Variants in THSD7B observed in about 807,000 individuals in gnomAD.
THSD7B encodes thrombospondin type 1 domain containing 7B.
THSD7B carries 138 observed loss-of-function variants against 213.6 expected under a neutral mutation model. The ratio of observed to expected loss-of-function variants is 0.65; its 90% CI spans 0.56 to 0.74. The LOEUF (loss-of-function observed/expected upper bound fraction) is 0.74. THSD7B is among the 30% of genes least tolerant of loss of function. The probability of loss-of-function intolerance (pLI) is 0.00; values close to 1 mark genes in which losing one functional copy is unlikely to be tolerated. For missense variants in THSD7B, 1,931 were observed against 1,991.5 expected, an observed-to-expected ratio of 0.97 and a Z score of 0.58; for synonymous variants, 742 against 687.0, an observed-to-expected ratio of 1.08 and a Z score of -1.25.
At chr2:137,021,984 ATTG>A (rs992214574) in intron 2 of THSD7B, among the ~76,000 whole-genome samples, 1 of 152,094 alleles carries the variant, frequency 6.6e-6, no homozygotes, top group Non-Finnish European at 1.5e-5. Context: ...TTGCATTTGA[ATTG>A]TTAAGATTTC....
At chr2:136,888,384 A>G (rs1683755688) in intron 2 of THSD7B, among the ~76,000 whole-genome samples, 1 of 152,134 alleles carries the variant, frequency 6.6e-6, no homozygotes, top group East Asian at 1.9e-4. Context: ...TAGCTTAAAT[A>G]ATAGTGTTTT....
intron 12 of THSD7B, among the ~76,000 whole-genome samples, chr2:137,382,371 G>A (rs945911932): frequency 6.6e-6 from 1 of 152,220 alleles, no homozygotes; most frequent in East Asian, 1.9e-4. Flanking sequence ...GTAGGCAGAA[G>A]CCCTATGGGT....
chr2:137,651,664 C>A (rs554546058), intron 21 of THSD7B, among the ~76,000 whole-genome samples: 1 of 152,064 alleles, frequency 6.6e-6, no homozygotes, highest in African/African-American at 2.4e-5. Context: ...TATTTGAATT[C>A]TTTCTACTTT....
intron 7 of THSD7B, among the ~76,000 whole-genome samples, chr2:137,183,003 A>G (rs1238444742): frequency 6.6e-6 from 1 of 152,142 alleles, no homozygotes; most frequent in Non-Finnish European, 1.5e-5. Context: ...TATTATAATT[A>G]TCTTTCATTT....
At chr2:136,942,701 A>G (rs1227078606) in intron 2 of THSD7B, among the ~76,000 whole-genome samples, 6 of 152,152 alleles carry the variant, frequency 3.9e-5, no homozygotes, top group Admixed American at 2.0e-4. Flanking sequence ...CATTGATTTT[A>G]TATCCTGAGA....
chr2:136,805,622 A>G lies in THSD7B; in HGVS notation c.-36+39935A>G, dbSNP rs143335414. ...TCTCATTTATCCCGCTGTGAGCTCC[A>G]GGAAGCAGAACCGTATTGGCTGCAT... On this transcript the variant is annotated intron_variant, in intron 1 of 27. Transcript: ENST00000409968. 6.1e-3 allele frequency among the ~76,000 whole-genome samples: 926 copies of G among 152,056 alleles called. 14 individuals carry two copies. The highest frequency in any genetic ancestry group is 0.021 in the African/African-American group (868 of 41,510).
chr2:136,831,284 G>C (rs1397157770), intron 1 of THSD7B, among the ~76,000 whole-genome samples: 1 of 151,964 alleles, frequency 6.6e-6, no homozygotes, highest in Non-Finnish European at 1.5e-5. Flanking sequence ...TACATATTTA[G>C]TACTTAATAT....
intron 13 of THSD7B, among the ~76,000 whole-genome samples, chr2:137,410,922 G>T (rs549086737): frequency 6.6e-6 from 1 of 152,208 alleles, no homozygotes; most frequent in African/African-American, 2.4e-5. Context: ...TGATTACCAA[G>T]TGTTTACAGC....
chr2:137,287,950 C>G (rs1683224014), intron 12 of THSD7B, among the ~76,000 whole-genome samples: 1 of 152,074 alleles, frequency 6.6e-6, no homozygotes, highest in Non-Finnish European at 1.5e-5. Context: ...GATTATATGT[C>G]TCTTGTTCAT....
rs1332709596 is a variant in THSD7B at position 136,810,380 on chromosome 2, A to C, written c.-36+44693A>C. On this transcript the variant is annotated intron_variant, in intron 1 of 27. Transcript: ENST00000409968. The stretch of plus-strand genomic sequence containing the variant: ...ACTTCCTTTAAAATGTCTCTATACG[A>C]CTATAAAAGTGGTCACTAAGTGTAA... Among the ~76,000 whole-genome samples the C allele has an allele frequency of 4.6e-5, 7 of 152,340 alleles. No individual in the cohort carries two copies. In the South Asian group the frequency reaches 1.2e-3, roughly 27 times the overall value.
chr2:137,106,256 T>A (rs2104930038), intron 4 of THSD7B, among the ~76,000 whole-genome samples: 1 of 152,136 alleles, frequency 6.6e-6, no homozygotes, highest in East Asian at 1.9e-4. Context: ...TCTACAATCA[T>A]CTGATCTTTG....
At chr2:137,118,078 C>T (rs1688477095) in intron 5 of THSD7B, among the ~76,000 whole-genome samples, 1 of 152,062 alleles carries the variant, frequency 6.6e-6, no homozygotes, top group African/African-American at 2.4e-5. Context: ...TATGTATTAC[C>T]AGTAATATTA....
intron 2 of THSD7B, among the ~76,000 whole-genome samples, chr2:136,918,205 T>C (rs563165847): frequency 1.6e-4 from 24 of 152,304 alleles, no homozygotes; most frequent in Middle Eastern, 3.4e-3. Flanking sequence ...AAAATTGACA[T>C]GTTGAAGGCT....
intron 16 of THSD7B, among the ~76,000 whole-genome samples, chr2:137,568,572 G>A (rs892497420): frequency 6.6e-6 from 1 of 152,032 alleles, no homozygotes; most frequent in Admixed American, 6.6e-5. Flanking sequence ...CACATGGCTG[G>A]GGAGGCCTCA....
intron 20 of THSD7B, among the ~76,000 whole-genome samples, chr2:137,630,491 C>T (rs1434456664): frequency 1.3e-5 from 2 of 152,190 alleles, no homozygotes; most frequent in East Asian, 3.8e-4. Context: ...ACTTCCCTAA[C>T]CATCACACCT....
At chr2:137,175,517 C>G (rs765365861) in intron 7 of THSD7B, among the ~76,000 whole-genome samples, 4 of 152,172 alleles carry the variant, frequency 2.6e-5, no homozygotes, top group Non-Finnish European at 5.9e-5. Flanking sequence ...ATATTTTTCT[C>G]AAGCTGTGTA....
intron 2 of THSD7B, among the ~76,000 whole-genome samples, chr2:136,897,631 G>A (rs869208789): frequency 2.0e-5 from 3 of 152,122 alleles, no homozygotes; most frequent in Non-Finnish European, 4.4e-5. Context: ...TTGCCGCTGC[G>A]GGCTCAGGTG....
At position 137,318,971 on chromosome 2, in the gene THSD7B, G is replaced by T. The variant is rs115551198; in HGVS notation, c.2500+42945G>T. On this transcript the variant is annotated intron_variant, in intron 12 of 27. Transcript: ENST00000409968. ...TAAAGGAAGTTCTGAAGATTGAATT[G>T]TCTCACAATGGAAAGGTGTAATGAA... 8.3e-3 allele frequency among the ~76,000 whole-genome samples: 1,257 copies of T among 151,490 alleles called. 5 individuals carry two copies. Among genetic ancestry groups the T allele is most frequent in the Non-Finnish European group, 0.012 (826 of 67,838 alleles).
intron 2 of THSD7B, among the ~76,000 whole-genome samples, chr2:136,883,835 T>C (rs991958020): frequency 1.3e-5 from 2 of 152,164 alleles, no homozygotes. Context: ...ACATAACACA[T>C]TGTTTAAAAT....
Sources: gnomAD v4.1 joint callset for allele counts (sites outside exome capture counted in the v4.1 genomes callset) on GRCh38, gnomAD v4.1.1 for gene constraint, MANE v1.5 for transcripts, NCBI Gene and HGNC (gene_info 2026-07-23, HGNC 2026-07-21) for gene names.